The following OR11A1 variants were observed in gnomAD, a reference collection of about 807,000 sequenced individuals.
The protein encoded by OR11A1 is olfactory receptor family 11 subfamily A member 1, also known as olfactory receptor 11A1.
For missense variants in OR11A1, 380 were observed against 378.2 expected (o/e 1.00, Z -0.04); for synonymous variants, 158 against 152.2 (o/e 1.04, Z -0.28).
At chr6:29,440,049 C>T in intron 1 of OR11A1, 1 of 1,613,044 alleles carries the variant, frequency 6.2e-7, no homozygotes, top group Non-Finnish European at 8.5e-7. Flanking sequence ...GACTGAGTTT[C>T]TTCTTCTCGG....
Position 29,454,912 on chromosome 6 carries a change from G to A in OR11A1, c.-389+2075C>T, listed in dbSNP as rs186326627. Among the ~76,000 whole-genome samples the A allele has an allele frequency of 1.5e-3, 221 of 151,508 alleles. 5 individuals are homozygous for A. Among genetic ancestry groups the A allele is most frequent in the Middle Eastern group, 0.01 (3 of 294 alleles). On this transcript the variant is annotated intron_variant, in intron 1 of 4. Transcript: ENST00000377149. ...GCAGCCATTTTTTTTATCGCTTCTC[G>A]GCCTTTTGGCTAAGATCAAGTGTAA...
intron 1 of OR11A1, among the ~76,000 whole-genome samples, chr6:29,436,669 T>C (rs1783648799): frequency 6.6e-6 from 1 of 152,190 alleles, no homozygotes; most frequent in East Asian, 1.9e-4. Context: ...CTGCAGTGAA[T>C]AATAAGAATC....
At chr6:29,449,878 C>T (rs1785173920) in intron 1 of OR11A1, among the ~76,000 whole-genome samples, 2 of 151,658 alleles carry the variant, frequency 1.3e-5, no homozygotes, top group South Asian at 4.2e-4. Flanking sequence ...CTCAGGTGAT[C>T]TGCCTGCCTC....
At chr6:29,428,237 A>C (rs1165253500) in intron 4 of OR11A1, 3 of 985,642 alleles carry the variant, frequency 3.0e-6, no homozygotes, top group Admixed American at 1.2e-4. Flanking sequence ...GATAATTCTT[A>C]TATATTCTTC....
intron 2 of OR11A1, 79 bp from the exon 3 acceptor site, chr6:29,430,504 G>T: frequency 1.1e-6 from 1 of 899,002 alleles, no homozygotes; most frequent in Non-Finnish European, 1.3e-6. Context: ...TACCTCCCCT[G>T]GAAATCAAGA....
intron 1 of OR11A1, among the ~76,000 whole-genome samples, chr6:29,442,108 C>T (rs1164738839): frequency 6.6e-6 from 1 of 152,094 alleles, no homozygotes; most frequent in Admixed American, 6.5e-5. Flanking sequence ...GACAGGTCAG[C>T]GCAAAGGCTA....
intron 1 of OR11A1, among the ~76,000 whole-genome samples, chr6:29,437,590 C>T (rs923098157): frequency 2.1e-5 from 3 of 143,912 alleles, no homozygotes; most frequent in Non-Finnish European, 4.5e-5. Context: ...CAATCTGGAA[C>T]GATGTCATCT....
intron 2 of OR11A1, among the ~76,000 whole-genome samples, chr6:29,431,518 C>A (rs537913371): frequency 6.6e-6 from 1 of 152,274 alleles, no homozygotes; most frequent in Admixed American, 6.5e-5. Context: ...GGGTGTCTCG[C>A]TTCTTCCTAC....
chr6:29,426,761 CT>C lies in OR11A1; in HGVS notation c.880del (p.Arg294GlyfsTer26), dbSNP rs1782839071. ...PLFNPVIYTM[R>X]NKEVHQALRK... is the part of the protein sequence containing the mutation. ...AAGTGCCTGATGCACCTCCTTGTTC[CT>C]CATGGTATAGATCACAGGATTGAAG... On this transcript the variant is annotated frameshift_variant, in exon 5 of 5. Coordinates refer to ENST00000377149, the MANE Select transcript of OR11A1 (RefSeq NM_001394828.1). LOFTEE classifies it low-confidence loss of function (END_TRUNC). 8 of 1,613,010 alleles carry C rather than the reference CT, an allele frequency of 5.0e-6. No homozygotes were observed. The highest frequency in any genetic ancestry group is 6.8e-6 in the Non-Finnish European group (8 of 1,180,022).
At position 29,454,176 on chromosome 6, in the gene OR11A1, T is replaced by C. The variant is rs149659948; in HGVS notation, c.-389+2811A>G. Among the ~76,000 whole-genome samples, 210 of 152,280 alleles carry C rather than the reference T, an allele frequency of 1.4e-3. 5 individuals carry two copies. In the East Asian group the frequency reaches 0.021, roughly 15 times the overall value. On this transcript the variant is annotated intron_variant, in intron 1 of 4. Coordinates refer to ENST00000377149, the MANE Select transcript of OR11A1 (RefSeq NM_001394828.1). ...GTCTTAGAGAAAAGACTGCAGTTAA[T>C]GGAAACTGACTGTAAGTGGGACTGC...
At position 29,443,334 on chromosome 6, in the gene OR11A1, A is replaced by G. The variant is rs137936429; in HGVS notation, c.-388-11347T>C. On this transcript the variant is annotated intron_variant, in intron 1 of 4. Transcript: ENST00000377149. Reference sequence around the variant, plus strand: ...CCTCTGATCTGCTTCCCAGCACTATATTTTTCTTTTTTCAGAGTTTTATAT... The same window carrying G: ...CCTCTGATCTGCTTCCCAGCACTATGTTTTTCTTTTTTCAGAGTTTTATAT... Among the ~76,000 whole-genome samples, 1,101 of 151,628 alleles carry G rather than the reference A, an allele frequency of 7.3e-3. 9 individuals carry two copies. Among genetic ancestry groups the G allele is most frequent in the African/African-American group, 0.024 (980 of 41,274 alleles).
At chr6:29,444,526 T>C (rs971888535) in intron 1 of OR11A1, among the ~76,000 whole-genome samples, 1 of 152,308 alleles carries the variant, frequency 6.6e-6, no homozygotes, top group East Asian at 1.9e-4. Context: ...TCAAATGAGC[T>C]CTGGATTGAG....
At chr6:29,431,819 A>T (rs1324922530) in intron 2 of OR11A1, 45 bp downstream of exon 2, 1 of 980,630 alleles carries the variant, frequency 1.0e-6, no homozygotes, top group Non-Finnish European at 1.2e-6. Flanking sequence ...TTTTTTAAAG[A>T]ATCTGTGAAC....
At chr6:29,434,296 A>G (rs2151372087) in intron 1 of OR11A1, among the ~76,000 whole-genome samples, 1 of 152,304 alleles carries the variant, frequency 6.6e-6, no homozygotes, top group Non-Finnish European at 1.5e-5. Flanking sequence ...TACAGTTTGC[A>G]GTCATATGTT....
chr6:29,440,707 C>A, intron 1 of OR11A1: 2 of 1,614,058 alleles, frequency 1.2e-6, no homozygotes, highest in Non-Finnish European at 1.7e-6. Context: ...CCATCTGTTG[C>A]GGGCCGCCGC....
chr6:29,436,059 A>G (rs1287838632), intron 1 of OR11A1, among the ~76,000 whole-genome samples: 2 of 152,148 alleles, frequency 1.3e-5, no homozygotes, highest in Non-Finnish European at 2.9e-5. Flanking sequence ...GTATTTGCAA[A>G]GTCACCTGCT....
chr6:29,440,060 C>T lies in OR11A1; in HGVS notation c.-388-8073G>A, dbSNP rs774521471. ...TGGTGACTGAGTTTCTTCTTCTCGG[C>T]TTCTCCCACCTGGCCGACCTCCAGG... On this transcript the variant is annotated intron_variant, in intron 1 of 4. Coordinates refer to ENST00000377149, the MANE Select transcript of OR11A1 (RefSeq NM_001394828.1). 14 of 1,613,050 alleles carry T rather than the reference C, an allele frequency of 8.7e-6. 1 individual carries two copies. The East Asian group carries it at 8.9e-5, about 10-fold the overall frequency.
rs1367094155 is a variant in OR11A1, at chr6:29,427,304, C to T, written c.338G>A (p.Cys113Tyr). 5 of 1,613,118 alleles carry T rather than the reference C, an allele frequency of 3.1e-6. No individual in the cohort carries two copies. The highest frequency in any genetic ancestry group is 2.5e-6 in the Non-Finnish European group (3 of 1,180,040). ...ATATGCCATGACAGCCAGCAGTAAG[C>T]ATTCAGCTGTGGCTAGAGAGCCGAA... The part of the protein sequence containing the change: ...FIFGSLATAE[C>Y]LLLAVMAYDR... Residue 113 changes from cysteine (C) to tyrosine (Y), a missense_variant, in exon 5 of 5, where the codon TGC (cysteine) becomes TAC (tyrosine). Transcript: ENST00000377149.
chr6:29,442,528 A>G (rs768038777), intron 1 of OR11A1, among the ~76,000 whole-genome samples: 65 of 152,360 alleles, frequency 4.3e-4, no homozygotes, highest in Non-Finnish European at 7.1e-4. Context: ...GAGAATATCA[A>G]GTACATACAG....
Sources: allele counts gnomAD v4.1 joint callset (sites outside exome capture counted in the v4.1 genomes callset), GRCh38; gene constraint gnomAD v4.1.1; transcripts MANE v1.5; gene names NCBI Gene and HGNC (gene_info 2026-07-23, HGNC 2026-07-21).